Variants in MCPH1 observed in about 807,000 individuals in gnomAD.
The protein encoded by MCPH1 is microcephalin.
Under a neutral mutation model 84.5 loss-of-function variants are expected in MCPH1, and 104 were observed. The ratio of observed to expected loss-of-function variants is 1.23; its 90% confidence interval spans 1.05 to 1.45. The LOEUF is 1.45. Ranked by LOEUF, MCPH1 falls within the 40% of genes most tolerant of loss-of-function variation. MCPH1 has a pLI of 0.00. For synonymous variants in MCPH1, 514 were observed against 366.8 expected (o/e 1.40, Z -4.58); for missense variants, 1,498 against 1,005.7 (o/e 1.49, Z -6.62).
chr8:6,445,341 A>G lies in MCPH1; in HGVS notation c.1619A>G (p.Asp540Gly). ...EDPALPKGHD[D>G]DLTPLEGSLE... ...CCTGCTCTTCCAAAAGGACATGATG[A>G]TGATTTAACTCCTTTGGAAGGAAGC... Residue 540 changes from aspartate (D) to glycine (G), a missense_variant, in exon 8 of 14, where the codon GAT becomes GGT. Asp to Gly is a moderately conservative substitution (Grantham distance 94). Coordinates refer to ENST00000344683, the MANE Select transcript of MCPH1 (RefSeq NM_024596.5). The G allele has an allele frequency of 6.2e-7, 1 of 1,614,248 alleles. No homozygotes were observed. Among genetic ancestry groups the G allele is most frequent in the East Asian group, 2.2e-5 (1 of 44,888 alleles).
At chr8:6,522,827 A>T (rs1311208820) in intron 12 of MCPH1, among the ~76,000 whole-genome samples, 1 of 152,098 alleles carries the variant, frequency 6.6e-6, no homozygotes, top group Non-Finnish European at 1.5e-5. Flanking sequence ...ACATACCTAA[A>T]GTCACACACA....
At chr8:6,500,940 T>C (rs2129562842) in intron 12 of MCPH1, 1 of 152,368 alleles carries the variant, frequency 6.6e-6, no homozygotes, top group Non-Finnish European at 1.5e-5. Context: ...AGCGTTTCCC[T>C]ACCTAAGTAT....
chr8:6,419,933 A>G (rs1262202846), intron 3 of MCPH1, among the ~76,000 whole-genome samples: 1 of 152,072 alleles, frequency 6.6e-6, no homozygotes, highest in African/African-American at 2.4e-5. Flanking sequence ...ATAGATTTTT[A>G]AAATGGATGT....
chr8:6,418,804 T>C (rs868461785), intron 3 of MCPH1, among the ~76,000 whole-genome samples: 4 of 152,054 alleles, frequency 2.6e-5, no homozygotes, highest in African/African-American at 2.4e-5. Context: ...ATGATCCTGA[T>C]CTTCTGACCT....
At chr8:6,468,871 A>G (rs1422412614) in intron 9 of MCPH1, among the ~76,000 whole-genome samples, 3 of 152,138 alleles carry the variant, frequency 2.0e-5, no homozygotes, top group South Asian at 4.1e-4. Flanking sequence ...AGGAAGGACA[A>G]TGAAGTTTTG....
chr8:6,592,867 A>G (rs1232876627), intron 12 of MCPH1, among the ~76,000 whole-genome samples: 5 of 141,750 alleles, frequency 3.5e-5, no homozygotes, highest in South Asian at 4.5e-4. Context: ...AGGTCTTGCC[A>G]TGTTGCTCAG....
intron 9 of MCPH1, chr8:6,473,741 C>A: frequency 3.5e-6 from 2 of 577,032 alleles, no homozygotes; most frequent in Middle Eastern, 4.0e-4. Context: ...GCTGGTCCTG[C>A]AACATGAGTT....
At chr8:6,459,698 G>A (rs1485828194) in intron 9 of MCPH1, among the ~76,000 whole-genome samples, 1 of 152,246 alleles carries the variant, frequency 6.6e-6, no homozygotes, top group Non-Finnish European at 1.5e-5. Flanking sequence ...TTGAAACTCA[G>A]ATGTGTCCCG....
At chr8:6,465,831 C>G (rs1806827333) in intron 9 of MCPH1, among the ~76,000 whole-genome samples, 1 of 152,142 alleles carries the variant, frequency 6.6e-6, no homozygotes, top group Admixed American at 6.5e-5. Context: ...GTCTTGAAGG[C>G]TAGAATTTAC....
At chr8:6,636,277 T>C in intron 13 of MCPH1, among the ~76,000 whole-genome samples, 2 of 151,536 alleles carry the variant, frequency 1.3e-5, no homozygotes. Flanking sequence ...GAGGTAGAGA[T>C]TGCAGTGAGC....
chr8:6,468,258 T>C (rs904597542), intron 9 of MCPH1, among the ~76,000 whole-genome samples: 1 of 152,062 alleles, frequency 6.6e-6, no homozygotes, highest in African/African-American at 2.4e-5. Context: ...TTCCCTATGG[T>C]CCTTTGTTTG....
intron 12 of MCPH1, among the ~76,000 whole-genome samples, chr8:6,600,789 T>A (rs530938759): frequency 1.3e-5 from 2 of 152,300 alleles, no homozygotes; most frequent in South Asian, 2.1e-4. Context: ...CAGGCCATCG[T>A]TGGGGGCAGG....
chr8:6,551,422 A>G (rs1448864792), intron 12 of MCPH1, among the ~76,000 whole-genome samples: 1 of 152,236 alleles, frequency 6.6e-6, no homozygotes, highest in African/African-American at 2.4e-5. Context: ...TTGTCCAATT[A>G]AAGGAAAAAA....
intron 12 of MCPH1, among the ~76,000 whole-genome samples, chr8:6,592,042 C>G (rs1828498113): frequency 6.6e-6 from 1 of 152,164 alleles, no homozygotes; most frequent in Admixed American, 6.5e-5. Context: ...TCACTAATCT[C>G]TTTTTTCCTT....
At chr8:6,590,294 G>T (rs1828352731) in intron 12 of MCPH1, among the ~76,000 whole-genome samples, 1 of 152,224 alleles carries the variant, frequency 6.6e-6, no homozygotes, top group South Asian at 2.1e-4. Flanking sequence ...TGAGGATGGA[G>T]TGGAGGGAAT....
chr8:6,576,682 ATTTTTTTTTTTTTTTTTTT>A (rs58486084), intron 12 of MCPH1, among the ~76,000 whole-genome samples: 460 of 42,298 alleles, frequency 0.011, 2 homozygotes, highest in African/African-American at 0.027. Flanking sequence ...TAATTTTTGT[ATTTTTTTTTTTTTTTTTTT>A]TTTTTTTTTT....
At chr8:6,588,786 C>T (rs748193196) in intron 12 of MCPH1, among the ~76,000 whole-genome samples, 7 of 152,258 alleles carry the variant, frequency 4.6e-5, no homozygotes, top group Non-Finnish European at 8.8e-5. Flanking sequence ...TCTCTCCTCT[C>T]TGCCCAGGTC....
At chr8:6,639,555 C>G (rs1263956656) in intron 13 of MCPH1, among the ~76,000 whole-genome samples, 1 of 151,796 alleles carries the variant, frequency 6.6e-6, no homozygotes, top group Non-Finnish European at 1.5e-5. Context: ...CCTAGCTACT[C>G]AGGACGTCAA....
rs545703994 is a variant in MCPH1 at position 6,530,315 on chromosome 8, C to G, written c.2214+30386C>G. On this transcript the variant is annotated intron_variant, in intron 12 of 13. Coordinates refer to ENST00000344683, the MANE Select transcript of MCPH1 (RefSeq NM_024596.5). ...CTGAGGTCAGGAGTTCGAGACCAGC[C>G]TGGCCAACGTGGTGAAACCCTGTCT... Among the ~76,000 whole-genome samples the G allele has an allele frequency of 2.0e-5, 3 of 152,158 alleles. 1 individual carries two copies. The highest frequency in any genetic ancestry group is 7.2e-5 in the African/African-American group (3 of 41,546).
Sources: gnomAD v4.1 joint callset for allele counts (sites outside exome capture counted in the v4.1 genomes callset) on GRCh38, gnomAD v4.1.1 for gene constraint, MANE v1.5 for transcripts, NCBI Gene and HGNC (gene_info 2026-07-23, HGNC 2026-07-21) for gene names.